The following DLG2 variants were observed in gnomAD, a reference collection of about 807,000 sequenced individuals.
The protein encoded by DLG2 is disks large homolog 2.
DLG2 carries 45 observed loss-of-function variants against 132.5 expected under a neutral mutation model. The ratio of observed to expected loss-of-function variants is 0.34; its 90% confidence interval spans 0.27 to 0.44. The LOEUF (loss-of-function observed/expected upper bound fraction) is 0.44. Among genes scored for constraint, DLG2 ranks in the 20% least tolerant of loss-of-function variants. The pLI is 1.00. For synonymous variants in DLG2, 424 were observed against 419.6 expected (o/e 1.01, Z -0.13); for missense variants, 1,045 against 1,196.9 (o/e 0.87, Z 1.87).
intron 11 of DLG2, among the ~76,000 whole-genome samples, chr11:84,050,184 T>A (rs943812700): frequency 6.8e-5 from 10 of 146,608 alleles, no homozygotes; most frequent in Middle Eastern, 6.8e-3. Context: ...CAGGGGAGAA[T>A]CATGAACAGT....
At chr11:84,578,792 G>A (rs1187941352) in intron 6 of DLG2, among the ~76,000 whole-genome samples, 1 of 152,134 alleles carries the variant, frequency 6.6e-6, no homozygotes, top group Non-Finnish European at 1.5e-5. Context: ...GCGAAGACAT[G>A]AGATTTTGAG....
At chr11:85,112,502 T>C (rs1217118710) in intron 5 of DLG2, among the ~76,000 whole-genome samples, 1 of 152,008 alleles carries the variant, frequency 6.6e-6, no homozygotes, top group Non-Finnish European at 1.5e-5. Flanking sequence ...TAATAAGCCA[T>C]ACTTTATCTT....
chr11:83,945,931 T>C (rs565528250), intron 14 of DLG2, among the ~76,000 whole-genome samples: 1 of 150,460 alleles, frequency 6.6e-6, no homozygotes, highest in African/African-American at 2.4e-5. Context: ...CTTCCTTCCT[T>C]CCGTCCTTCC....
intron 7 of DLG2, among the ~76,000 whole-genome samples, chr11:84,314,259 G>A (rs189706595): frequency 2.4e-4 from 37 of 152,248 alleles, no homozygotes; most frequent in South Asian, 8.3e-4. Flanking sequence ...TCTTCTTTAC[G>A]CTTTATCAAG....
chr11:84,718,469 T>C (rs1432388734), intron 6 of DLG2, among the ~76,000 whole-genome samples: 2 of 152,094 alleles, frequency 1.3e-5, no homozygotes, highest in Non-Finnish European at 2.9e-5. Flanking sequence ...CCCTCCAATA[T>C]GGTTTGAAAG....
At chr11:84,878,320 A>G (rs553801621) in intron 6 of DLG2, among the ~76,000 whole-genome samples, 12 of 152,340 alleles carry the variant, frequency 7.9e-5, no homozygotes, top group African/African-American at 2.6e-4. Context: ...ATGCCCATCA[A>G]TGATAGACTG....
At chr11:84,426,174 C>A (rs1220102201) in intron 7 of DLG2, among the ~76,000 whole-genome samples, 2 of 152,080 alleles carry the variant, frequency 1.3e-5, no homozygotes, top group African/African-American at 4.8e-5. Flanking sequence ...AATATTTGAT[C>A]ATGAGAAATA....
intron 6 of DLG2, among the ~76,000 whole-genome samples, chr11:84,841,364 T>C (rs940877836): frequency 2.0e-5 from 3 of 152,018 alleles, no homozygotes; most frequent in Non-Finnish European, 4.4e-5. Context: ...GTTTGAAGTA[T>C]ATGCATGAGA....
At chr11:85,467,418 C>T (rs1285108714) in intron 3 of DLG2, among the ~76,000 whole-genome samples, 1 of 152,124 alleles carries the variant, frequency 6.6e-6, no homozygotes, top group African/African-American at 2.4e-5. Flanking sequence ...CCAGTTTTTG[C>T]CCATTCAGTA....
At chr11:85,347,834 C>T (rs2082961477) in intron 3 of DLG2, among the ~76,000 whole-genome samples, 1 of 133,792 alleles carries the variant, frequency 7.5e-6, no homozygotes, top group Non-Finnish European at 1.5e-5. Context: ...GAGCAAGTCT[C>T]ACTCTGTCAC....
intron 6 of DLG2, among the ~76,000 whole-genome samples, chr11:84,770,680 G>T (rs567409457): frequency 2.8e-5 from 4 of 144,528 alleles, no homozygotes; most frequent in African/African-American, 1.0e-4. Context: ...TTGCTCTGTC[G>T]CTCAGGCTGG....
chr11:85,065,003 A>G (rs1281117156), intron 6 of DLG2, among the ~76,000 whole-genome samples: 3 of 151,600 alleles, frequency 2.0e-5, no homozygotes, highest in Non-Finnish European at 4.4e-5. Flanking sequence ...AGAGATAAGT[A>G]GTATATCTGT....
At chr11:83,476,226 A>G (rs2092605211) in intron 22 of DLG2, among the ~76,000 whole-genome samples, 1 of 152,138 alleles carries the variant, frequency 6.6e-6, no homozygotes, top group Admixed American at 6.6e-5. Flanking sequence ...TAGTGCTAAG[A>G]AAGGGCTTAG....
chr11:84,779,349 A>C (rs574653263), intron 6 of DLG2, among the ~76,000 whole-genome samples: 1 of 151,804 alleles, frequency 6.6e-6, no homozygotes, highest in Non-Finnish European at 1.5e-5. Flanking sequence ...TGCTTTCTTT[A>C]TTTCTTTATC....
At chr11:83,601,951 C>G (rs758509256) in intron 19 of DLG2, among the ~76,000 whole-genome samples, 21 of 152,168 alleles carry the variant, frequency 1.4e-4, no homozygotes, top group Non-Finnish European at 1.5e-5. Context: ...GACAGACCTA[C>G]CAGACTGTGT....
chr11:83,795,695 C>T (rs1047234283), intron 17 of DLG2, among the ~76,000 whole-genome samples: 1 of 151,884 alleles, frequency 6.6e-6, no homozygotes, highest in Non-Finnish European at 1.5e-5. Context: ...CTACTTCTCC[C>T]ACTAGGGGCA....
chr11:84,723,404 C>A (rs1472605764), intron 6 of DLG2, among the ~76,000 whole-genome samples: 1 of 152,108 alleles, frequency 6.6e-6, no homozygotes, highest in Admixed American at 6.5e-5. Flanking sequence ...TTATGTTTAA[C>A]TTTAATCAGT....
intron 18 of DLG2, among the ~76,000 whole-genome samples, chr11:83,763,616 A>G (rs1368632871): frequency 6.6e-6 from 1 of 152,222 alleles, no homozygotes; most frequent in Non-Finnish European, 1.5e-5. Flanking sequence ...CATCAATTGT[A>G]AAAGGCAACT....
At chr11:84,778,020 T>C (rs1415762865) in intron 6 of DLG2, among the ~76,000 whole-genome samples, 1 of 152,202 alleles carries the variant, frequency 6.6e-6, no homozygotes, top group African/African-American at 2.4e-5. Flanking sequence ...AGTCATAAAT[T>C]CTTTGCCTAG....
Sources: allele counts gnomAD v4.1 joint callset (sites outside exome capture counted in the v4.1 genomes callset), GRCh38; gene constraint gnomAD v4.1.1; transcripts MANE v1.5; gene names NCBI Gene and HGNC (gene_info 2026-07-23, HGNC 2026-07-21).